LRRC8C: variants seen among roughly 807,000 people sequenced by gnomAD.
LRRC8C encodes volume-regulated anion channel subunit LRRC8C.
Under a neutral mutation model 55.3 loss-of-function variants are expected in LRRC8C, and 20 were observed. That is an observed-to-expected ratio of 0.36 (90% CI 0.25 to 0.53). The LOEUF is 0.53. Among genes scored for constraint, LRRC8C ranks in the 20% least tolerant of loss-of-function variants. The pLI, the probability that LRRC8C is intolerant of heterozygous loss-of-function variation, is 0.92. For missense variants in LRRC8C, 659 were observed against 951.4 expected (o/e 0.69, Z 4.04); for synonymous variants, 376 against 360.7 (o/e 1.04, Z -0.48).
chr1:89,657,982 C>T (rs1014313422), intron 1 of LRRC8C, among the ~76,000 whole-genome samples: 2 of 152,122 alleles, frequency 1.3e-5, no homozygotes, highest in African/African-American at 2.4e-5. Flanking sequence ...TGTAACTTTA[C>T]ATTTACTCAG....
chr1:89,640,715 G>T (rs146468265), intron 1 of LRRC8C, among the ~76,000 whole-genome samples: 1 of 152,348 alleles, frequency 6.6e-6, no homozygotes, highest in Non-Finnish European at 1.5e-5. Flanking sequence ...AACTGAGGAA[G>T]TAGCAGCTGG....
intron 1 of LRRC8C, among the ~76,000 whole-genome samples, chr1:89,685,850 A>G (rs1369036588): frequency 1.3e-5 from 2 of 152,182 alleles, no homozygotes; most frequent in African/African-American, 4.8e-5. Context: ...ATACAAGCAT[A>G]GAGACAAAAA....
chr1:89,652,674 C>G (rs1656824260), intron 1 of LRRC8C, among the ~76,000 whole-genome samples: 1 of 152,150 alleles, frequency 6.6e-6, no homozygotes, highest in South Asian at 2.1e-4. Flanking sequence ...GGGTGCAGAT[C>G]ACCAGATCCA....
At chr1:89,700,447 A>G (rs1418962794) in intron 2 of LRRC8C, among the ~76,000 whole-genome samples, 1 of 152,230 alleles carries the variant, frequency 6.6e-6, no homozygotes, top group Non-Finnish European at 1.5e-5. Flanking sequence ...CTTAGCATGT[A>G]TTACGTTGGC....
At chr1:89,688,691 C>T (rs1657946680) in intron 2 of LRRC8C, among the ~76,000 whole-genome samples, 1 of 152,216 alleles carries the variant, frequency 6.6e-6, no homozygotes, top group South Asian at 2.1e-4. Context: ...GATTTTATGA[C>T]TTTCTCAGTT....
chr1:89,639,061 C>T (rs1293383616), intron 1 of LRRC8C, among the ~76,000 whole-genome samples: 2 of 150,008 alleles, frequency 1.3e-5, no homozygotes, highest in African/African-American at 4.9e-5. Context: ...TCTTGGCTCA[C>T]TGCAACCTCT....
upstream of LRRC8C, among the ~76,000 whole-genome samples, chr1:89,630,900 T>C (rs900264320): frequency 3.9e-5 from 6 of 152,222 alleles, no homozygotes; most frequent in African/African-American, 1.4e-4. Context: ...AGCATAGTTT[T>C]TAGACTAGTG....
At chr1:89,622,039 A>G in the LRRC8C span, among the ~76,000 whole-genome samples, 1 of 152,352 alleles carries the variant, frequency 6.6e-6, no homozygotes, top group African/African-American at 2.4e-5. Flanking sequence ...ATTAGGTATG[A>G]AACTCCAGAT....
intron 1 of LRRC8C, among the ~76,000 whole-genome samples, chr1:89,662,859 C>T (rs1194104869): frequency 1.3e-5 from 2 of 152,004 alleles, no homozygotes; most frequent in Non-Finnish European, 2.9e-5. Context: ...TTCTGGGATA[C>T]GTGTGCAGAA....
chr1:89,695,416 A>G (rs547468082), intron 2 of LRRC8C, among the ~76,000 whole-genome samples: 3 of 152,182 alleles, frequency 2.0e-5, no homozygotes, highest in Admixed American at 2.0e-4. Context: ...CTGATATCCA[A>G]AGCTGGGGCT....
chr1:89,665,948 C>T (rs1226698423), intron 1 of LRRC8C, among the ~76,000 whole-genome samples: 1 of 152,100 alleles, frequency 6.6e-6, no homozygotes, highest in Non-Finnish European at 1.5e-5. Context: ...TATTATGTTG[C>T]AGTTACCTAC....
intron 1 of LRRC8C, among the ~76,000 whole-genome samples, chr1:89,671,431 G>C (rs1439638524): frequency 6.6e-6 from 1 of 152,186 alleles, no homozygotes; most frequent in Non-Finnish European, 1.5e-5. Context: ...TCAGAAGTCA[G>C]TTCCTAAGGA....
intron 1 of LRRC8C, among the ~76,000 whole-genome samples, chr1:89,640,317 C>T (rs762356146): frequency 2.6e-5 from 4 of 152,264 alleles, no homozygotes; most frequent in Non-Finnish European, 5.9e-5. Context: ...CCCACCTCAG[C>T]TTCCCAAAGT....
At chr1:89,657,739 CAAAA>C (rs138148934) in intron 1 of LRRC8C, among the ~76,000 whole-genome samples, 77 of 98,824 alleles carry the variant, frequency 7.8e-4, no homozygotes, top group African/African-American at 1.3e-3. Flanking sequence ...GACTCTGTAT[CAAAA>C]AAAAAAAAAA....
the LRRC8C span, among the ~76,000 whole-genome samples, chr1:89,616,328 T>C: frequency 6.6e-6 from 1 of 152,188 alleles, no homozygotes; most frequent in Admixed American, 6.5e-5. Flanking sequence ...GAAGGGTCAC[T>C]TCTGGCCATC....
intron 1 of LRRC8C, among the ~76,000 whole-genome samples, chr1:89,651,081 C>G (rs149962373): frequency 1.2e-4 from 19 of 152,214 alleles, no homozygotes; most frequent in African/African-American, 4.6e-4. Context: ...CATGAAGTAC[C>G]TTGATCCAGA....
chr1:89,647,791 T>A (rs1252808145), intron 1 of LRRC8C, among the ~76,000 whole-genome samples: 1 of 152,172 alleles, frequency 6.6e-6, no homozygotes, highest in East Asian at 1.9e-4. Flanking sequence ...GTGTGACAAT[T>A]TTTAGTGTTA....
intron 1 of LRRC8C, among the ~76,000 whole-genome samples, chr1:89,642,512 C>G (rs933634814): frequency 6.6e-6 from 1 of 152,018 alleles, no homozygotes. Flanking sequence ...GTCAGGAGTT[C>G]GAGACCAGCC....
intron 1 of LRRC8C, among the ~76,000 whole-genome samples, chr1:89,667,764 A>T (rs1312967561): frequency 1.3e-5 from 2 of 152,136 alleles, no homozygotes; most frequent in African/African-American, 4.8e-5. Context: ...ATCAAGAGTG[A>T]GTTAGTTGGC....
Sources: gnomAD v4.1 joint callset for allele counts (sites outside exome capture counted in the v4.1 genomes callset) on GRCh38, gnomAD v4.1.1 for gene constraint, MANE v1.5 for transcripts, NCBI Gene and HGNC (gene_info 2026-07-23, HGNC 2026-07-21) for gene names.